MALRD1: variants seen among roughly 807,000 people sequenced by gnomAD.
MALRD1 encodes the protein MAM and LDL-receptor class A domain-containing protein 1.
In MALRD1, 247 loss-of-function variants were observed where a neutral mutation model predicts 242.1. That is an observed-to-expected ratio of 1.02 (90% confidence interval 0.92 to 1.13). The LOEUF is 1.13. Among genes scored for constraint, MALRD1 ranks in the 50% most tolerant of loss-of-function variants. The probability of loss-of-function intolerance (pLI) is 0.00; values close to 1 mark genes in which losing one functional copy is unlikely to be tolerated. For synonymous variants in MALRD1, 995 were observed against 866.6 expected (o/e 1.15, Z -2.60); for missense variants, 2,989 against 2,533.1 (o/e 1.18, Z -3.86).
Position 19,207,456 on chromosome 10 carries a change from C to G in MALRD1, c.2579-1812C>G, listed in dbSNP as rs578247512. On this transcript the variant is annotated intron_variant, in intron 17 of 39. Coordinates refer to ENST00000454679, the MANE Select transcript of MALRD1 (RefSeq NM_001142308.3). ...AGAATAGTACCTAGTCCTATATATA[C>G]TATGTTTTTTCCTATACATACATAC... Among the ~76,000 whole-genome samples the G allele has an allele frequency of 2.7e-3, 418 of 152,148 alleles. 3 individuals are homozygous for G. Among genetic ancestry groups the G allele is most frequent in the African/African-American group, 9.6e-3 (400 of 41,516 alleles).
intron 8 of MALRD1, among the ~76,000 whole-genome samples, chr10:19,130,128 A>G (rs906515323): frequency 1.5e-4 from 23 of 152,090 alleles, no homozygotes; most frequent in African/African-American, 5.6e-4. Context: ...TCTATTTAAT[A>G]TATTTCATTC....
At position 19,049,025 on chromosome 10, in the gene MALRD1, A is replaced by T. The variant is rs1834409186; in HGVS notation, c.87A>T (p.Thr29=). The part of the protein sequence containing the change: ...CLWIACVFNS[T]LAQQGTESFQ... ...GGATTGCCTGTGTTTTCAATTCTAC[A>T]CTGGCTCAGCAAGGGACAGAAAGCT... The change falls in exon 1 of 40, where the codon ACA becomes ACT. Residue 29 remains threonine (T), a synonymous_variant. Coordinates refer to ENST00000454679, the MANE Select transcript of MALRD1 (RefSeq NM_001142308.3). The T allele has an allele frequency of 5.7e-6, 7 of 1,233,812 alleles. No individual in the cohort carries two copies. The South Asian group carries it at 2.5e-4, about 43-fold the overall frequency. The allele number at this position is 1,233,812 out of a possible 1,614,324, so 76.4% of individuals were successfully genotyped here.
chr10:19,728,589 C>T (rs546700260), intron 38 of MALRD1: 1 of 152,362 alleles, frequency 6.6e-6, no homozygotes, highest in African/African-American at 2.4e-5. Context: ...TCCTGTCTAG[C>T]CCTGTGGTTT....
At chr10:19,462,601 C>T (rs1367426879) in intron 29 of MALRD1, among the ~76,000 whole-genome samples, 1 of 152,188 alleles carries the variant, frequency 6.6e-6, no homozygotes, top group Non-Finnish European at 1.5e-5. Context: ...TAAATGAAAA[C>T]ACAAATCCAC....
At position 19,552,535 on chromosome 10, in the gene MALRD1, G is replaced by T. The variant is rs563526636; in HGVS notation, c.5479-14967G>T. 6.6e-5 allele frequency among the ~76,000 whole-genome samples: 10 copies of T among 151,512 alleles called. No individual in the cohort carries two copies. The South Asian group carries it at 2.1e-3, about 32-fold the overall frequency. ...TTTCAGAGTGCCAGCGCCTGGATTT[G>T]TTGATGTTTTGAATTTTTGTGTGTG... On this transcript the variant is annotated intron_variant, in intron 32 of 39. Transcript: ENST00000454679.
chr10:19,432,520 T>C (rs999221555), intron 28 of MALRD1, among the ~76,000 whole-genome samples: 1 of 152,206 alleles, frequency 6.6e-6, no homozygotes, highest in Non-Finnish European at 1.5e-5. Context: ...ATTGATTAAA[T>C]AAACACTTAT....
At chr10:19,476,593 C>T (rs1156809604) in intron 29 of MALRD1, among the ~76,000 whole-genome samples, 2 of 152,120 alleles carry the variant, frequency 1.3e-5, no homozygotes. Flanking sequence ...GTGCTTACCC[C>T]AGGCTGGTGG....
chr10:19,643,663 G>C (rs1241847398), intron 36 of MALRD1, among the ~76,000 whole-genome samples: 1 of 152,144 alleles, frequency 6.6e-6, no homozygotes, highest in Non-Finnish European at 1.5e-5. Flanking sequence ...GTAGACACCA[G>C]TATGTTTTAA....
intron 5 of MALRD1, among the ~76,000 whole-genome samples, chr10:19,104,401 A>G (rs1014263857): frequency 1.9e-4 from 29 of 152,194 alleles, no homozygotes; most frequent in Non-Finnish European, 5.9e-5. Flanking sequence ...ACTAGCCTCC[A>G]TAGACTTGAA....
intron 24 of MALRD1, among the ~76,000 whole-genome samples, chr10:19,346,078 C>G (rs1588945813): frequency 6.6e-6 from 1 of 152,090 alleles, no homozygotes; most frequent in Admixed American, 6.6e-5. Context: ...AAGCACTCCA[C>G]CCAGCCTCAT....
intron 11 of MALRD1, among the ~76,000 whole-genome samples, chr10:19,150,870 C>T (rs1833923154): frequency 6.6e-6 from 1 of 152,152 alleles, no homozygotes; most frequent in African/African-American, 2.4e-5. Flanking sequence ...ACATCAATAT[C>T]ATGACGATGT....
intron 29 of MALRD1, among the ~76,000 whole-genome samples, chr10:19,474,885 A>C (rs1836656519): frequency 6.6e-6 from 1 of 152,162 alleles, no homozygotes; most frequent in Non-Finnish European, 1.5e-5. Flanking sequence ...AGAATCAAGG[A>C]GGAAAAAAAA....
chr10:19,054,763 C>T (rs1049576860), intron 1 of MALRD1, among the ~76,000 whole-genome samples: 11 of 152,118 alleles, frequency 7.2e-5, no homozygotes, highest in African/African-American at 2.7e-4. Flanking sequence ...GATAGTGTTT[C>T]ACTGTGTGTA....
chr10:19,129,535 G>C (rs1469396646), intron 8 of MALRD1, among the ~76,000 whole-genome samples: 3 of 151,806 alleles, frequency 2.0e-5, no homozygotes, highest in Non-Finnish European at 2.9e-5. Context: ...TCATTTATTA[G>C]CTCAATCTCC....
At chr10:19,283,862 G>A (rs1269332701) in intron 21 of MALRD1, among the ~76,000 whole-genome samples, 2 of 152,216 alleles carry the variant, frequency 1.3e-5, no homozygotes, top group South Asian at 2.1e-4. Flanking sequence ...TGCCTACTGT[G>A]TGAGAACGCT....
At chr10:19,267,875 CT>C (rs1368854361) in intron 19 of MALRD1, among the ~76,000 whole-genome samples, 1 of 151,988 alleles carries the variant, frequency 6.6e-6, no homozygotes, top group Non-Finnish European at 1.5e-5. Context: ...GTTTTAGCTT[CT>C]TTGGTGTAGT....
intron 36 of MALRD1, among the ~76,000 whole-genome samples, chr10:19,670,373 A>G (rs916455153): frequency 1.3e-5 from 2 of 152,118 alleles, no homozygotes; most frequent in Non-Finnish European, 2.9e-5. Flanking sequence ...TTCCCTCAGA[A>G]AAGACCCTTT....
chr10:19,359,228 T>C (rs1167137654), intron 26 of MALRD1, among the ~76,000 whole-genome samples: 1 of 152,160 alleles, frequency 6.6e-6, no homozygotes, highest in Non-Finnish European at 1.5e-5. Flanking sequence ...CAAATTAATG[T>C]TTTCCCAATA....
At chr10:19,667,686 A>C (rs1841733542) in intron 36 of MALRD1, among the ~76,000 whole-genome samples, 2 of 151,870 alleles carry the variant, frequency 1.3e-5, no homozygotes, top group South Asian at 4.1e-4. Flanking sequence ...TTCTGCTATG[A>C]TTGAAAGCTC....
Sources: gnomAD v4.1 joint callset for allele counts (sites outside exome capture counted in the v4.1 genomes callset) on GRCh38, gnomAD v4.1.1 for gene constraint, MANE v1.5 for transcripts, NCBI Gene and HGNC (gene_info 2026-07-23, HGNC 2026-07-21) for gene names.